The following DENND2B variants were observed in gnomAD, a reference collection of about 807,000 sequenced individuals.
The protein encoded by DENND2B is DENN domain-containing protein 2B.
DENND2B carries 32 observed loss-of-function variants against 116.0 expected under a neutral mutation model. The ratio of observed to expected loss-of-function variants is 0.28; its 90% CI spans 0.21 to 0.37. The LOEUF (loss-of-function observed/expected upper bound fraction) is 0.37. DENND2B is among the 10% of genes least tolerant of loss of function. The pLI is 1.00. For missense variants in DENND2B, 1,276 were observed against 1,477.7 expected (o/e 0.86, Z 2.24); for synonymous variants, 588 against 583.9 (o/e 1.01, Z -0.10).
At chr11:8,873,194 C>G (rs571484278), upstream of DENND2B, among the ~76,000 whole-genome samples, 1 of 152,198 alleles carries the variant, frequency 6.6e-6, no homozygotes, top group Admixed American at 6.5e-5. Flanking sequence ...CTTGTAACAT[C>G]TCTAAGGAAA....
At chr11:8,772,419 C>T (rs1296237297) in intron 1 of DENND2B, among the ~76,000 whole-genome samples, 1 of 151,870 alleles carries the variant, frequency 6.6e-6, no homozygotes, top group African/African-American at 2.4e-5. Context: ...GTCTTGTCCC[C>T]ACTTAATCTA....
intron 2 of DENND2B, among the ~76,000 whole-genome samples, chr11:8,867,466 A>G (rs776407472): frequency 9.2e-5 from 14 of 152,126 alleles, no homozygotes; most frequent in Non-Finnish European, 2.1e-4. Context: ...TTTTTCCTCC[A>G]TAACACAAAG....
intron 18 of DENND2B, 136 bp from the exon 19 acceptor site, chr11:8,695,685 C>T (rs2040231554): frequency 1.3e-6 from 1 of 748,214 alleles, no homozygotes; most frequent in Non-Finnish European, 2.2e-6. Flanking sequence ...TTTGCAGGAG[C>T]ATCTTACTAG....
chr11:8,765,093 T>C (rs1176204383), intron 1 of DENND2B, among the ~76,000 whole-genome samples: 3 of 152,120 alleles, frequency 2.0e-5, no homozygotes, highest in Non-Finnish European at 4.4e-5. Flanking sequence ...GCGTAAGAGA[T>C]GCCTATCATC....
chr11:8,710,753 GCACACACACACACACACACA>G (rs56230708), intron 11 of DENND2B, 72 bp downstream of exon 11: 33 of 831,610 alleles, frequency 4.0e-5, no homozygotes, highest in South Asian at 1.8e-4. Flanking sequence ...TTGCAGAAGG[GCACACACACACACACACACA>G]CACACACACA....
chr11:8,792,418 T>C (rs2059461419), intron 1 of DENND2B, among the ~76,000 whole-genome samples: 1 of 152,006 alleles, frequency 6.6e-6, no homozygotes, highest in Non-Finnish European at 1.5e-5. Flanking sequence ...GGGAAGCACC[T>C]TGAAGGAAAA....
At chr11:8,875,769 A>T (rs919323818), upstream of DENND2B, among the ~76,000 whole-genome samples, 2 of 152,098 alleles carry the variant, frequency 1.3e-5, no homozygotes, top group African/African-American at 2.4e-5. Context: ...TGTAGGTAAG[A>T]TATACACCAG....
At chr11:8,774,330 C>G (rs1235754698) in intron 1 of DENND2B, 13 of 985,264 alleles carry the variant, frequency 1.3e-5, no homozygotes, top group Non-Finnish European at 1.6e-5. Context: ...TGCCTTATAG[C>G]AAGTTCTGAC....
intron 2 of DENND2B, among the ~76,000 whole-genome samples, chr11:8,732,369 G>A (rs184459499): frequency 1.2e-4 from 19 of 152,260 alleles, no homozygotes; most frequent in African/African-American, 3.6e-4. Context: ...TATCTCATCC[G>A]AGGTCACTCA....
At chr11:8,708,814 AG>A (rs2043081200) in intron 11 of DENND2B, among the ~76,000 whole-genome samples, 1 of 152,154 alleles carries the variant, frequency 6.6e-6, no homozygotes, top group Admixed American at 6.5e-5. Flanking sequence ...AGCCGGTCAT[AG>A]TGGCATGCGC....
At chr11:8,845,058 T>TA (rs546847135) in intron 3 of DENND2B, among the ~76,000 whole-genome samples, 48 of 150,864 alleles carry the variant, frequency 3.2e-4, no homozygotes, top group African/African-American at 1.0e-3. Flanking sequence ...TTGTAAATGT[T>TA]AAAAAAAAAA....
intron 4 of DENND2B, among the ~76,000 whole-genome samples, chr11:8,817,645 G>A (rs527390347): frequency 3.9e-5 from 6 of 151,982 alleles, no homozygotes; most frequent in African/African-American, 7.3e-5. Flanking sequence ...GCTAGGTTGC[G>A]CCCCCTCTCC....
chr11:8,739,248 C>T (rs938904654), intron 2 of DENND2B, among the ~76,000 whole-genome samples: 11 of 152,298 alleles, frequency 7.2e-5, no homozygotes, highest in African/African-American at 2.2e-4. Flanking sequence ...ACGAAGCACT[C>T]GGTGCAGCCC....
rs58169547 is a variant in DENND2B, at chr11:8,804,547, C to CTT, written c.-26+5968_-26+5969dup. Reference sequence around the variant, plus strand: ...ACGAGATGCAAAATAGCAGCTACTTCTTTTTTTTTTTTTTTGAGACGAAGT... The same window carrying CTT: ...ACGAGATGCAAAATAGCAGCTACTTCTTTTTTTTTTTTTTTTTGAGACGAAGT... On this transcript the variant is annotated intron_variant, in intron 1 of 19. Coordinates refer to ENST00000313726, the MANE Select transcript of DENND2B (RefSeq NM_213618.2). Among the ~76,000 whole-genome samples, 29 of 129,602 alleles carry CTT rather than the reference C, an allele frequency of 2.2e-4. 4 individuals carry two copies. Among genetic ancestry groups the CTT allele is most frequent in the Middle Eastern group, 4.1e-3 (1 of 244 alleles). 85.0% of individuals were successfully genotyped at this position (129,602 alleles called of 152,430 possible).
chr11:8,846,787 G>A (rs1304824827), intron 3 of DENND2B, among the ~76,000 whole-genome samples: 3 of 152,202 alleles, frequency 2.0e-5, no homozygotes, highest in Admixed American at 6.5e-5. Flanking sequence ...TACCAGAGGC[G>A]GCCTGCAATA....
At chr11:8,869,867 C>T (rs2134705235) in intron 2 of DENND2B, among the ~76,000 whole-genome samples, 1 of 152,134 alleles carries the variant, frequency 6.6e-6, no homozygotes, top group East Asian at 1.9e-4. Flanking sequence ...ACAATTCAGT[C>T]TCTATCTTGG....
intron 4 of DENND2B, chr11:8,832,625 C>T (rs1054326197): frequency 7.9e-5 from 12 of 152,518 alleles, no homozygotes; most frequent in African/African-American, 2.4e-4. Flanking sequence ...CAGCCACACC[C>T]CACACAGCCC....
At chr11:8,874,764 A>C (rs1594326838), upstream of DENND2B, among the ~76,000 whole-genome samples, 1 of 152,014 alleles carries the variant, frequency 6.6e-6, no homozygotes, top group Admixed American at 6.6e-5. Context: ...TTTAAAAAAA[A>C]AAAAAAATTA....
chr11:8,776,368 G>T, intron 1 of DENND2B: 1 of 398,344 alleles, frequency 2.5e-6, no homozygotes, highest in East Asian at 7.1e-5. Flanking sequence ...AGGCTGAGAA[G>T]CCATTCAATC....
Sources: gnomAD v4.1 joint callset for allele counts (sites outside exome capture counted in the v4.1 genomes callset) on GRCh38, gnomAD v4.1.1 for gene constraint, MANE v1.5 for transcripts, NCBI Gene and HGNC (gene_info 2026-07-23, HGNC 2026-07-21) for gene names.